Variants in ADAMTS18 observed in about 807,000 individuals in gnomAD.
The protein encoded by ADAMTS18 is ADAM metallopeptidase with thrombospondin type 1 motif 18.
ADAMTS18 carries 157 observed loss-of-function variants against 165.9 expected under a neutral mutation model. That is an observed-to-expected ratio of 0.95 (90% CI 0.83 to 1.08). The LOEUF (loss-of-function observed/expected upper bound fraction) is 1.08, where lower values mean the gene tolerates loss of function less well. Among genes scored for constraint, ADAMTS18 ranks in the 50% least tolerant of loss-of-function variants. ADAMTS18 has a pLI of 0.00. For synonymous variants in ADAMTS18, 782 were observed against 578.2 expected (o/e 1.35, Z -5.06); for missense variants, 2,040 against 1,534.0 (o/e 1.33, Z -5.51).
intron 16 of ADAMTS18, among the ~76,000 whole-genome samples, chr16:77,301,288 A>T (rs1200208717): frequency 6.6e-6 from 1 of 152,024 alleles, no homozygotes; most frequent in East Asian, 1.9e-4. Context: ...GAAAAAAAAA[A>T]AAACTGGAGA....
intron 3 of ADAMTS18, among the ~76,000 whole-genome samples, chr16:77,406,619 A>G (rs550054810): frequency 6.6e-6 from 1 of 152,268 alleles, no homozygotes; most frequent in South Asian, 2.1e-4. Flanking sequence ...GTATATACCC[A>G]AAGGAAAATA....
intron 6 of ADAMTS18, among the ~76,000 whole-genome samples, chr16:77,363,508 A>G (rs949224182): frequency 1.4e-5 from 2 of 147,564 alleles, no homozygotes; most frequent in Admixed American, 7.1e-5. Flanking sequence ...TAACATATTT[A>G]TATTTCATAT....
chr16:77,368,229 G>A (rs1490581727), intron 3 of ADAMTS18, among the ~76,000 whole-genome samples: 3 of 152,064 alleles, frequency 2.0e-5, no homozygotes, highest in East Asian at 3.9e-4. Context: ...GCTAGCATGG[G>A]CACCCAGAGT....
chr16:77,287,197 G>T (rs536052468), intron 22 of ADAMTS18, among the ~76,000 whole-genome samples: 2 of 152,248 alleles, frequency 1.3e-5, no homozygotes, highest in South Asian at 2.1e-4. Context: ...GGTCCACAGT[G>T]GGGGGCTCAG....
intron 16 of ADAMTS18, among the ~76,000 whole-genome samples, chr16:77,307,015 G>A (rs1243562082): frequency 2.0e-5 from 3 of 152,200 alleles, no homozygotes; most frequent in Non-Finnish European, 2.9e-5. Flanking sequence ...CCTCCCTGGT[G>A]TGCTGTGACA....
intron 3 of ADAMTS18, among the ~76,000 whole-genome samples, chr16:77,382,342 C>T (rs1195956156): frequency 6.6e-6 from 1 of 152,166 alleles, no homozygotes; most frequent in Non-Finnish European, 1.5e-5. Context: ...TCCTGAGTAG[C>T]TGGGACTACA....
intron 21 of ADAMTS18, among the ~76,000 whole-genome samples, chr16:77,290,096 T>TAC (rs1486953776): frequency 3.9e-5 from 6 of 152,256 alleles, no homozygotes; most frequent in Non-Finnish European, 8.8e-5. Context: ...TTCTTAAATG[T>TAC]ACATATGCAT....
chr16:77,370,961 T>C (rs370515077), intron 3 of ADAMTS18, among the ~76,000 whole-genome samples: 1 of 152,168 alleles, frequency 6.6e-6, no homozygotes, highest in Non-Finnish European at 1.5e-5. Flanking sequence ...AAAATGTTTA[T>C]ACAAGGCTGG....
intron 10 of ADAMTS18, among the ~76,000 whole-genome samples, chr16:77,345,217 A>G (rs1206937833): frequency 6.6e-6 from 1 of 152,206 alleles, no homozygotes; most frequent in Admixed American, 6.5e-5. Context: ...TGGCTTTTGC[A>G]AACCAAATTT....
At chr16:77,308,172 T>A (rs562775831) in intron 16 of ADAMTS18, among the ~76,000 whole-genome samples, 3 of 152,012 alleles carry the variant, frequency 2.0e-5, no homozygotes, top group Non-Finnish European at 2.9e-5. Context: ...GAGAAAAAAA[T>A]TCCTAACATA....
Position 77,319,878 on chromosome 16 carries a change from C to T in ADAMTS18, c.2503G>A (p.Gly835Arg), listed in dbSNP as rs2055958212. ...FNRPERLYAP[G>R]PTNETLVFEI... ...AAGACCAGCGTCTCATTTGTGGGCC[C>T]TGGCGCGTACAGACGTTCCGGGCGG... is the stretch of plus-strand genomic sequence containing the variant. Residue 835 changes from glycine to arginine, a missense_variant, in exon 16 of 23, where the codon GGG becomes AGG. By Grantham distance (125) the Gly-to-Arg change is moderately radical. Coordinates refer to ENST00000282849, the MANE Select transcript of ADAMTS18 (RefSeq NM_199355.4). The T allele has an allele frequency of 6.2e-7, 1 of 1,614,196 alleles. No individual in the cohort carries two copies. The highest frequency in any genetic ancestry group is 8.5e-7 in the Non-Finnish European group (1 of 1,180,044).
At chr16:77,346,806 A>G (rs1246202766) in intron 10 of ADAMTS18, among the ~76,000 whole-genome samples, 3 of 152,216 alleles carry the variant, frequency 2.0e-5, no homozygotes, top group African/African-American at 7.2e-5. Context: ...CCATTTTAAA[A>G]ATCAACTTTA....
chr16:77,292,330 A>T (rs761181773), intron 20 of ADAMTS18, among the ~76,000 whole-genome samples: 1 of 152,108 alleles, frequency 6.6e-6, no homozygotes, highest in African/African-American at 2.4e-5. Context: ...TTTGTGAGAG[A>T]TATTTCTAGT....
intron 3 of ADAMTS18, among the ~76,000 whole-genome samples, chr16:77,371,139 T>C (rs1007948560): frequency 4.6e-5 from 7 of 151,932 alleles, no homozygotes; most frequent in African/African-American, 1.7e-4. Context: ...TGCCTTAGTC[T>C]GAAAGGTGGA....
At chr16:77,301,705 C>A (rs965629428) in intron 16 of ADAMTS18, among the ~76,000 whole-genome samples, 1 of 152,198 alleles carries the variant, frequency 6.6e-6, no homozygotes, top group African/African-American at 2.4e-5. Flanking sequence ...TAGGATGGTA[C>A]AAAATGACTT....
At chr16:77,354,015 A>G (rs1303917680) in intron 9 of ADAMTS18, 129 bp from the exon 10 acceptor site, 2 of 1,159,442 alleles carry the variant, frequency 1.7e-6, no homozygotes, top group East Asian at 2.3e-5. Context: ...TATATGTTTA[A>G]AGTTCAAATC....
rs377139323 is a variant in ADAMTS18, at chr16:77,341,697, A to G, written c.1710+7T>C. 8.0e-5 allele frequency: 128 copies of G among 1,609,782 alleles called. No individual in the cohort carries two copies. In the Middle Eastern group the frequency reaches 3.0e-3, roughly 37 times the overall value. Reference sequence around the variant, plus strand: ...TGGAGCTAAAAACTAACAAGTATGCAGTTTACCATACTCAAGCCACAAACG... The same window carrying G: ...TGGAGCTAAAAACTAACAAGTATGCGGTTTACCATACTCAAGCCACAAACG... On this transcript the variant is annotated splice_region_variant and intron_variant, in intron 11 of 22. Coordinates refer to ENST00000282849, the MANE Select transcript of ADAMTS18 (RefSeq NM_199355.4).
At chr16:77,396,184 C>A (rs569583332) in intron 3 of ADAMTS18, among the ~76,000 whole-genome samples, 14 of 152,296 alleles carry the variant, frequency 9.2e-5, no homozygotes, top group African/African-American at 3.4e-4. Context: ...ATACTCCACC[C>A]AAGTTTTACC....
intron 3 of ADAMTS18, among the ~76,000 whole-genome samples, chr16:77,401,813 G>A (rs142422824): frequency 6.6e-6 from 1 of 152,076 alleles, no homozygotes; most frequent in African/African-American, 2.4e-5. Context: ...TCTCTCTCTC[G>A]CTCTCTTTTC....
Sources: allele counts gnomAD v4.1 joint callset (sites outside exome capture counted in the v4.1 genomes callset), GRCh38; gene constraint gnomAD v4.1.1; transcripts MANE v1.5; gene names NCBI Gene and HGNC (gene_info 2026-07-23, HGNC 2026-07-21).